NTRK2: variants seen among roughly 807,000 people sequenced by gnomAD.
The protein encoded by NTRK2 is BDNF/NT-3 growth factors receptor.
In NTRK2, 13 loss-of-function variants were observed where a neutral mutation model predicts 94.5. The observed-to-expected ratio is 0.14, with a 90% CI of 0.09 to 0.22. The LOEUF is 0.22. NTRK2 is among the 10% of genes least tolerant of loss of function. The pLI is 1.00. For missense variants in NTRK2, 639 were observed against 1,071.2 expected (o/e 0.60, Z 5.63); for synonymous variants, 372 against 407.4 (o/e 0.91, Z 1.05).
intron 17 of NTRK2, among the ~76,000 whole-genome samples, chr9:84,968,707 G>A (rs767275032): frequency 6.6e-5 from 10 of 152,148 alleles, no homozygotes; most frequent in Non-Finnish European, 1.3e-4. Context: ...TAGTAAAATG[G>A]TAAAGAAGTC....
chr9:84,763,308 A>G (rs2065753217), intron 12 of NTRK2, among the ~76,000 whole-genome samples: 1 of 151,964 alleles, frequency 6.6e-6, no homozygotes, highest in Non-Finnish European at 1.5e-5. Context: ...TGACCTGGGG[A>G]CAGGTTATAG....
At chr9:84,970,559 T>A (rs1826072262) in intron 17 of NTRK2, among the ~76,000 whole-genome samples, 1 of 151,986 alleles carries the variant, frequency 6.6e-6, no homozygotes, top group African/African-American at 2.4e-5. Flanking sequence ...ATCTCAGAAA[T>A]AAAGAGCATC....
intron 11 of NTRK2, among the ~76,000 whole-genome samples, chr9:84,746,072 C>T (rs2064041694): frequency 6.6e-6 from 1 of 152,148 alleles, no homozygotes; most frequent in Non-Finnish European, 1.5e-5. Flanking sequence ...CTGTCACAGG[C>T]TAACCCAGGG....
At chr9:84,904,107 G>A (rs776170715) in intron 14 of NTRK2, among the ~76,000 whole-genome samples, 5 of 152,164 alleles carry the variant, frequency 3.3e-5, no homozygotes, top group Non-Finnish European at 5.9e-5. Context: ...ATGCTGTTCC[G>A]AACTAAGAAT....
chr9:85,001,245 T>G (rs1197163825), intron 17 of NTRK2, among the ~76,000 whole-genome samples: 1 of 152,190 alleles, frequency 6.6e-6, no homozygotes, highest in African/African-American at 2.4e-5. Context: ...TACTTCTCAG[T>G]TGTCATTCTC....
chr9:84,764,737 A>G (rs2065880455), intron 12 of NTRK2, among the ~76,000 whole-genome samples: 1 of 152,204 alleles, frequency 6.6e-6, no homozygotes, highest in African/African-American at 2.4e-5. Flanking sequence ...GGAAATCAGT[A>G]TACGGAAGAG....
intron 12 of NTRK2, among the ~76,000 whole-genome samples, chr9:84,854,712 C>G: frequency 6.6e-6 from 1 of 151,942 alleles, no homozygotes; most frequent in Non-Finnish European, 1.5e-5. Context: ...TTTAAGAGGC[C>G]GAGGCTGGCG....
At chr9:84,841,064 T>C (rs1020445468) in intron 12 of NTRK2, among the ~76,000 whole-genome samples, 2 of 152,168 alleles carry the variant, frequency 1.3e-5, no homozygotes, top group Non-Finnish European at 2.9e-5. Flanking sequence ...GACCCTCTCC[T>C]CTCCAGCTGC....
In NTRK2 at chr9:84,989,181, C is replaced by G. The variant is rs115715312; in HGVS notation, c.2173-31025C>G. ...TACCACTGGACCTGCACAGCTCACA[C>G]CACCCCACCCCACAAACTACTATTT... On this transcript the variant is annotated intron_variant, in intron 17 of 18. Transcript: ENST00000277120. Among the ~76,000 whole-genome samples the G allele has an allele frequency of 3.5e-3, 533 of 152,294 alleles. 3 individuals carry two copies. Among genetic ancestry groups the G allele is most frequent in the African/African-American group, 0.012 (512 of 41,568 alleles).
chr9:84,877,141 T>A (rs1044613820), intron 14 of NTRK2: 2 of 1,064,792 alleles, frequency 1.9e-6, no homozygotes, highest in African/African-American at 3.3e-5. Context: ...GCTCTGCCAC[T>A]TCCTACATAT....
At chr9:84,853,864 G>A (rs1316895555) in intron 12 of NTRK2, among the ~76,000 whole-genome samples, 1 of 152,126 alleles carries the variant, frequency 6.6e-6, no homozygotes, top group African/African-American at 2.4e-5. Context: ...GGTGGATCAT[G>A]AGGTCAGGAG....
At position 84,925,201 on chromosome 9, in the gene NTRK2, C is replaced by CTTTTTTTTTT. The variant is rs562875058; in HGVS notation, c.1634-8956_1634-8947dup. Reference sequence around the variant, plus strand: ...CTCTGCCTTCTTCTCTTCTCTTCTTCTTTTTTTTTTTTTTGGAGCTATTTT... The same window carrying CTTTTTTTTTT: ...CTCTGCCTTCTTCTCTTCTCTTCTTCTTTTTTTTTTTTTTTTTTTTTTTTGGAGCTATTTT... On this transcript the variant is annotated intron_variant, in intron 14 of 18. Coordinates refer to ENST00000277120, the MANE Select transcript of NTRK2 (RefSeq NM_006180.6). Among the ~76,000 whole-genome samples, 204 of 141,220 alleles carry CTTTTTTTTTT rather than the reference C, an allele frequency of 1.4e-3. 1 individual carries two copies. Among genetic ancestry groups the CTTTTTTTTTT allele is most frequent in the African/African-American group, 4.6e-3 (174 of 38,214 alleles). The allele number at this position is 141,220 out of a possible 152,430, so 92.6% of individuals were successfully genotyped here.
intron 8 of NTRK2, among the ~76,000 whole-genome samples, chr9:84,726,313 C>G (rs2062452571): frequency 6.6e-6 from 1 of 152,092 alleles, no homozygotes; most frequent in Non-Finnish European, 1.5e-5. Flanking sequence ...ATGATGAAAC[C>G]CCGTCTCTAC....
intron 12 of NTRK2, among the ~76,000 whole-genome samples, chr9:84,836,818 C>T (rs1421023367): frequency 6.6e-6 from 1 of 150,570 alleles, no homozygotes; most frequent in Non-Finnish European, 1.5e-5. Flanking sequence ...GTAAAGTCTA[C>T]AAAGAACCTT....
intron 12 of NTRK2, among the ~76,000 whole-genome samples, chr9:84,771,107 A>G (rs1302004787): frequency 6.6e-6 from 1 of 152,232 alleles, no homozygotes; most frequent in Non-Finnish European, 1.5e-5. Flanking sequence ...AGCTTGAGTC[A>G]TGTCACTTTG....
At chr9:84,793,341 G>T (rs1021660203) in intron 12 of NTRK2, among the ~76,000 whole-genome samples, 7 of 152,014 alleles carry the variant, frequency 4.6e-5, no homozygotes, top group Non-Finnish European at 1.0e-4. Flanking sequence ...GATCAAATTA[G>T]CCATGGAGAA....
At chr9:84,869,115 T>A (rs1298810909) in intron 14 of NTRK2, among the ~76,000 whole-genome samples, 1 of 152,234 alleles carries the variant, frequency 6.6e-6, no homozygotes, top group African/African-American at 2.4e-5. Flanking sequence ...GCTACATGTC[T>A]GGAAGTGCTT....
intron 12 of NTRK2, among the ~76,000 whole-genome samples, chr9:84,794,462 A>G (rs562023685): frequency 6.6e-6 from 1 of 152,340 alleles, no homozygotes; most frequent in African/African-American, 2.4e-5. Flanking sequence ...GTGTAATGCA[A>G]TACTCTTTAT....
chr9:85,021,203 T>A lies in NTRK2; in HGVS notation c.2332-49T>A, dbSNP rs780386372. 4 of 1,533,728 alleles carry A rather than the reference T, an allele frequency of 2.6e-6. No homozygotes were observed. In the South Asian group the frequency reaches 3.4e-5, roughly 13 times the overall value. On this transcript the variant is annotated intron_variant, in intron 18 of 18. Transcript: ENST00000277120. The stretch of plus-strand genomic sequence containing the variant: ...TTTTTTTGCACTGACATTTCTTCGA[T>A]GTGCATTGCTTTTCCTCCTGTCTCA...
Sources: gnomAD v4.1 joint callset for allele counts (sites outside exome capture counted in the v4.1 genomes callset) on GRCh38, gnomAD v4.1.1 for gene constraint, MANE v1.5 for transcripts, NCBI Gene and HGNC (gene_info 2026-07-23, HGNC 2026-07-21) for gene names.